Variants in PCDHGA1 observed in about 807,000 individuals in gnomAD.
The protein encoded by PCDHGA1 is protocadherin gamma-A1.
Under a neutral mutation model 58.0 loss-of-function variants are expected in PCDHGA1, and 32 were observed. The ratio of observed to expected loss-of-function variants is 0.55; its 90% confidence interval spans 0.42 to 0.74. The LOEUF is 0.74. PCDHGA1 is among the 30% of genes least tolerant of loss of function. The pLI, the probability that PCDHGA1 is intolerant of heterozygous loss-of-function variation, is 0.00. For missense variants in PCDHGA1, 1,205 were observed against 1,182.3 expected (o/e 1.02, Z -0.28); for synonymous variants, 498 against 501.1 (o/e 0.99, Z 0.08).
chr5:141,424,026 C>G, intron 1 of PCDHGA1: 1 of 1,041,918 alleles, frequency 9.6e-7, no homozygotes, highest in Non-Finnish European at 1.2e-6. Context: ...TTCACAAACA[C>G]TTTTTATTTC....
chr5:141,374,721 C>T, intron 1 of PCDHGA1: 1 of 1,610,366 alleles, frequency 6.2e-7, no homozygotes, highest in Non-Finnish European at 8.5e-7. Context: ...CTGGTCCTTA[C>T]TGCCATGGAT....
chr5:141,454,860 T>G (rs62379170), intron 1 of PCDHGA1, among the ~76,000 whole-genome samples: 5,850 of 133,200 alleles, frequency 0.044, 153 homozygotes, highest in Middle Eastern at 0.11. Context: ...CAGGCTGGAG[T>G]GCAGTGGCAC....
At chr5:141,344,103 T>G (rs751569318) in intron 1 of PCDHGA1, 5 of 1,613,920 alleles carry the variant, frequency 3.1e-6, no homozygotes, top group Non-Finnish European at 4.2e-6. Context: ...GGGGACGCTG[T>G]GCGAAACAGG....
chr5:141,356,162 C>A (rs779976582), intron 1 of PCDHGA1: 1 of 1,613,176 alleles, frequency 6.2e-7, no homozygotes, highest in South Asian at 1.1e-5. Context: ...GATGTAGAAG[C>A]CCATGATGGG....
At chr5:141,478,417 C>G in intron 1 of PCDHGA1, 1 of 1,613,652 alleles carries the variant, frequency 6.2e-7, no homozygotes, top group Non-Finnish European at 8.5e-7. Context: ...CGGACTCCCG[C>G]CGCAGCGACC....
chr5:141,374,326 C>T (rs1343594345), intron 1 of PCDHGA1: 6 of 1,613,980 alleles, frequency 3.7e-6, no homozygotes, highest in East Asian at 4.5e-5. Context: ...ATCCGCGAAA[C>T]GGCAGCTTGG....
intron 1 of PCDHGA1, chr5:141,398,612 T>C (rs756084003): frequency 2.5e-6 from 4 of 1,614,024 alleles, no homozygotes; most frequent in East Asian, 2.2e-5. Flanking sequence ...GATGCAGATA[T>C]TGGCTTAAAC....
intron 1 of PCDHGA1, among the ~76,000 whole-genome samples, chr5:141,454,985 A>G (rs1292477757): frequency 1.3e-5 from 2 of 150,314 alleles, no homozygotes; most frequent in African/African-American, 4.9e-5. Context: ...TTTTTTAAAA[A>G]ATATTTTTAG....
chr5:141,340,542 A>G (rs1756955955), intron 1 of PCDHGA1: 2 of 1,614,264 alleles, frequency 1.2e-6, no homozygotes, highest in Non-Finnish European at 1.7e-6. Flanking sequence ...GATTATGAGC[A>G]GTTGCGAGAC....
chr5:141,371,565 C>A (rs373548501), intron 1 of PCDHGA1: 57 of 1,613,742 alleles, frequency 3.5e-5, no homozygotes, highest in Non-Finnish European at 4.6e-5. Context: ...AGGAAACTTC[C>A]CCTTTAAAAT....
chr5:141,417,792 T>C, intron 1 of PCDHGA1: 1 of 1,483,216 alleles, frequency 6.7e-7, no homozygotes, highest in South Asian at 1.4e-5. Flanking sequence ...CCGAATGCTC[T>C]TTTAGCGCGG....
chr5:141,376,171 G>A (rs758847977), intron 1 of PCDHGA1: 1 of 1,614,096 alleles, frequency 6.2e-7, no homozygotes, highest in Non-Finnish European at 8.5e-7. Context: ...TGGTGGTGGC[G>A]GTGGCCGCGG....
chr5:141,454,618 C>T (rs1259161504), intron 1 of PCDHGA1, among the ~76,000 whole-genome samples: 1 of 151,470 alleles, frequency 6.6e-6, no homozygotes, highest in Non-Finnish European at 1.5e-5. Flanking sequence ...GTTGGTCAGG[C>T]TGGTCTCGAA....
chr5:141,366,355 A>G (rs1196036060), intron 1 of PCDHGA1: 1 of 1,614,004 alleles, frequency 6.2e-7, no homozygotes, highest in Non-Finnish European at 8.5e-7. Context: ...TGGCTGACCT[A>G]GGCAGTATCA....
intron 1 of PCDHGA1, chr5:141,371,139 G>T: frequency 6.2e-7 from 1 of 1,614,022 alleles, no homozygotes; most frequent in South Asian, 1.1e-5. Context: ...CATGTACAGG[G>T]TCAATGTTGC....
intron 1 of PCDHGA1, among the ~76,000 whole-genome samples, chr5:141,458,513 G>T (rs968604511): frequency 6.8e-6 from 1 of 146,128 alleles, no homozygotes; most frequent in Non-Finnish European, 1.5e-5. Flanking sequence ...TTGACACTTT[G>T]TTTTTTTTTT....
chr5:141,388,424 G>T, intron 1 of PCDHGA1: 2 of 1,613,812 alleles, frequency 1.2e-6, no homozygotes, highest in Non-Finnish European at 1.7e-6. Flanking sequence ...ATTTCTCACT[G>T]ATAAATAAAG....
At chr5:141,351,814 C>G (rs368055501) in intron 1 of PCDHGA1, 5 of 1,613,246 alleles carry the variant, frequency 3.1e-6, no homozygotes, top group Middle Eastern at 3.3e-4. Context: ...CCTTCGACCA[C>G]GAGCAGCTGC....
In PCDHGA1 at chr5:141,344,151, G is replaced by C. The variant is rs76939403; in HGVS notation, c.2421+11046G>C. 1.1e-5 allele frequency: 17 copies of C among 1,614,062 alleles called. No individual in the cohort carries two copies. In the East Asian group the frequency reaches 3.8e-4, roughly 36 times the overall value. On this transcript the variant is annotated intron_variant, in intron 1 of 3. Transcript: ENST00000517417. ...CCGCTACTCGGTGTCTGAGGAGCTAGATAAAGGTTCCTTCGTGGGCAACAT... is the reference window on the plus strand; with the variant it reads ...CCGCTACTCGGTGTCTGAGGAGCTACATAAAGGTTCCTTCGTGGGCAACAT...
Sources: allele counts gnomAD v4.1 joint callset (sites outside exome capture counted in the v4.1 genomes callset), GRCh38; gene constraint gnomAD v4.1.1; transcripts MANE v1.5; gene names NCBI Gene and HGNC (gene_info 2026-07-23, HGNC 2026-07-21).